C6orf89: variants seen among roughly 807,000 people sequenced by gnomAD.
C6orf89 encodes bombesin receptor-activated protein C6orf89.
C6orf89 carries 29 observed loss-of-function variants against 40.7 expected under a neutral mutation model. The ratio of observed to expected loss-of-function variants is 0.71; its 90% CI spans 0.53 to 0.97. The LOEUF (loss-of-function observed/expected upper bound fraction) is 0.97, where lower values mean the gene tolerates loss of function less well. C6orf89 is among the 50% of genes least tolerant of loss of function. C6orf89 has a pLI of 0.00. For synonymous variants in C6orf89, 165 were observed against 152.2 expected, an observed-to-expected ratio of 1.08 and a Z score of -0.62; for missense variants, 392 against 429.1, an observed-to-expected ratio of 0.91 and a Z score of 0.76.
At chr6:36,921,069 T>C (rs1034951044) in intron 8 of C6orf89, among the ~76,000 whole-genome samples, 1 of 152,070 alleles carries the variant, frequency 6.6e-6, no homozygotes, top group African/African-American at 2.4e-5. Context: ...CGGTGCATGA[T>C]ACCTGCTGTG....
At chr6:36,901,380 G>T (rs1466752363) in intron 3 of C6orf89, among the ~76,000 whole-genome samples, 1 of 124,802 alleles carries the variant, frequency 8.0e-6, no homozygotes, top group Non-Finnish European at 1.6e-5. Flanking sequence ...TGTTGCCCAG[G>T]CTAGAGTGCA....
chr6:36,900,212 T>G (rs960465736), intron 3 of C6orf89, among the ~76,000 whole-genome samples: 2 of 148,118 alleles, frequency 1.4e-5, no homozygotes, highest in Non-Finnish European at 3.0e-5. Flanking sequence ...TTTTGTTGTT[T>G]TTTTTTTGAG....
intron 3 of C6orf89, among the ~76,000 whole-genome samples, chr6:36,901,398 G>A (rs1022213974): frequency 1.5e-5 from 2 of 134,278 alleles, no homozygotes; most frequent in African/African-American, 2.8e-5. Flanking sequence ...GCAGTGGTGC[G>A]ATCTTGGCTC....
intron 6 of C6orf89, among the ~76,000 whole-genome samples, chr6:36,915,459 T>C (rs1762280006): frequency 6.6e-6 from 1 of 152,072 alleles, no homozygotes; most frequent in African/African-American, 2.4e-5. Context: ...TGGGGATCAG[T>C]AGCTAGGCGT....
chr6:36,886,703 A>G (rs1775002952), intron 1 of C6orf89, among the ~76,000 whole-genome samples: 1 of 152,220 alleles, frequency 6.6e-6, no homozygotes, highest in African/African-American at 2.4e-5. Context: ...AAATCACTTT[A>G]TAATAGAGAC....
In C6orf89 at chr6:36,885,956, A is replaced by G; in HGVS notation, c.-192A>G. On this transcript the variant is annotated 5_prime_UTR_variant, in exon 1 of 9. Transcript: ENST00000480824. ...CCGGGTCGCGCTCCCGGAAACAGGAAGTTGCCCATCCTCCTCGCCCGGCGG... is the reference window on the plus strand; with the variant it reads ...CCGGGTCGCGCTCCCGGAAACAGGAGGTTGCCCATCCTCCTCGCCCGGCGG... 3 of 1,263,462 alleles carry G rather than the reference A, an allele frequency of 2.4e-6. No homozygotes were observed. Among genetic ancestry groups the G allele is most frequent in the Non-Finnish European group, 3.0e-6 (3 of 998,688 alleles). The allele number at this position is 1,263,462 out of a possible 1,614,324, so 78.3% of individuals were successfully genotyped here. A position where few individuals can be genotyped will look rare whatever the true frequency, so the allele number is the denominator to read the frequency against.
At chr6:36,874,651 C>G (rs2303993) in intron 1 of C6orf89, 855,359 of 1,579,856 alleles carry the variant, frequency 0.54, 234,097 homozygotes, top group East Asian at 0.65. Flanking sequence ...GCCAGGAACG[C>G]AGACCCGTGG....
chr6:36,911,123 A>G (rs1055483783), intron 4 of C6orf89, among the ~76,000 whole-genome samples: 1 of 151,984 alleles, frequency 6.6e-6, no homozygotes, highest in African/African-American at 2.4e-5. Context: ...GTTTTCTTCT[A>G]CCTGCTTTTT....
At chr6:36,901,775 A>G (rs981658988) in intron 3 of C6orf89, among the ~76,000 whole-genome samples, 1 of 150,888 alleles carries the variant, frequency 6.6e-6, no homozygotes, top group Non-Finnish European at 1.5e-5. Context: ...GGTTCCCGCC[A>G]TTCTCCGGCC....
At chr6:36,903,642 G>T (rs925945337) in intron 4 of C6orf89, among the ~76,000 whole-genome samples, 31 of 152,080 alleles carry the variant, frequency 2.0e-4, no homozygotes, top group Non-Finnish European at 3.8e-4. Flanking sequence ...TGTATTTCTA[G>T]TAGAGACAGG....
intron 2 of C6orf89, among the ~76,000 whole-genome samples, chr6:36,896,594 A>G (rs1301752518): frequency 6.6e-6 from 1 of 152,108 alleles, no homozygotes; most frequent in African/African-American, 2.4e-5. Context: ...TCTTGATGGT[A>G]TTGAGACACA....
At chr6:36,911,859 G>T (rs771538552) in intron 4 of C6orf89, among the ~76,000 whole-genome samples, 2 of 150,428 alleles carry the variant, frequency 1.3e-5, no homozygotes, top group African/African-American at 2.4e-5. Context: ...CATCTTCACT[G>T]CTTCTAGAAT....
intron 6 of C6orf89, among the ~76,000 whole-genome samples, chr6:36,915,925 A>G (rs912597370): frequency 6.6e-6 from 1 of 152,178 alleles, no homozygotes; most frequent in African/African-American, 2.4e-5. Context: ...GTTTCGAAAG[A>G]ATTAAAATGA....
At chr6:36,901,893 G>A (rs576748983) in intron 3 of C6orf89, among the ~76,000 whole-genome samples, 12 of 151,382 alleles carry the variant, frequency 7.9e-5, no homozygotes, top group African/African-American at 2.2e-4. Context: ...GGATGGTCTC[G>A]ATCTCCTGAC....
upstream of C6orf89, among the ~76,000 whole-genome samples, chr6:36,884,854 G>A (rs376278557): frequency 2.6e-5 from 4 of 152,258 alleles, no homozygotes; most frequent in East Asian, 5.8e-4. This position sits in a 1 kb window ranked among gnomAD's most constrained non-coding sequence, Gnocchi z 4.0. Context: ...TGCTAGAACA[G>A]ACCAGGTTTT....
chr6:36,893,109 T>C (rs527416515), intron 1 of C6orf89, among the ~76,000 whole-genome samples: 1 of 152,010 alleles, frequency 6.6e-6, no homozygotes, highest in East Asian at 1.9e-4. Flanking sequence ...TAATTTTTTG[T>C]ATTTTTAGTA....
chr6:36,884,751 T>C (rs141142325), upstream of C6orf89, among the ~76,000 whole-genome samples: 183 of 152,264 alleles, frequency 1.2e-3, no homozygotes, highest in African/African-American at 3.4e-3. This position sits in a 1 kb window ranked among gnomAD's most constrained non-coding sequence, Gnocchi z 4.0. Context: ...ACTGAGCTCA[T>C]GCACTAGGCA....
At chr6:36,874,661 G>A in intron 1 of C6orf89, 1 of 1,594,842 alleles carries the variant, frequency 6.3e-7, no homozygotes, top group Non-Finnish European at 8.6e-7. Context: ...CAGACCCGTG[G>A]TGAGGCCCGG....
intron 1 of C6orf89, among the ~76,000 whole-genome samples, chr6:36,872,883 ACAGATGTGAGCTATGGCACCTGGC>A (rs1244451289): frequency 6.6e-6 from 1 of 152,232 alleles, no homozygotes; most frequent in South Asian, 2.1e-4. Flanking sequence ...GTGCTGGATT[ACAGATGTGAGCTATGGCACCTGGC>A]CAGATGTGAG....
Sources: gnomAD v4.1 joint callset for allele counts (sites outside exome capture counted in the v4.1 genomes callset) on GRCh38, gnomAD v4.1.1 for gene constraint, Gnocchi (gnomAD v3.1) non-coding constraint, MANE v1.5 for transcripts, NCBI Gene and HGNC (gene_info 2026-07-23, HGNC 2026-07-21) for gene names.